The following ZNF33B variants were observed in gnomAD, a reference collection of about 807,000 sequenced individuals.
ZNF33B encodes zinc finger protein 33B, also known as zinc finger protein 11b (KOX 2).
A neutral mutation model predicts 45.8 loss-of-function variants in ZNF33B; 29 were observed. That is an observed-to-expected ratio of 0.63 (90% CI 0.47 to 0.86). The LOEUF is 0.86. Among genes scored for constraint, ZNF33B ranks in the 40% least tolerant of loss-of-function variants. The pLI, the probability that ZNF33B is intolerant of heterozygous loss-of-function variation, is 0.00. For synonymous variants in ZNF33B, 305 were observed against 307.8 expected (o/e 0.99, Z 0.10); for missense variants, 831 against 909.9 (o/e 0.91, Z 1.12).
At chr10:42,583,177 T>C in intron 1 of ZNF33B, 1 of 760,294 alleles carries the variant, frequency 1.3e-6, no homozygotes, top group Non-Finnish European at 2.4e-6. Flanking sequence ...TGTCTTAGGG[T>C]TGATGTGAAG....
chr10:42,627,363 A>G (rs750874847), intron 4 of ZNF33B, among the ~76,000 whole-genome samples: 3 of 152,196 alleles, frequency 2.0e-5, no homozygotes, highest in Admixed American at 6.5e-5. Flanking sequence ...ATACTGTTAA[A>G]TGGATGGTGG....
chr10:42,593,091 T>C lies in ZNF33B; in HGVS notation c.1859A>G (p.Gln620Arg). 20 of 1,614,104 alleles carry C rather than the reference T, an allele frequency of 1.2e-5. No homozygotes were observed. The highest frequency in any genetic ancestry group is 1.6e-5 in the Non-Finnish European group (19 of 1,179,984). ...CTGATGCTGAGTGAGTTGTGACTTC[T>C]GGCAGAAGGTTTTTCCACATTCATT... ...ECNECGKTFC[Q>R]KSQLTQHQRI... Residue 620 changes from glutamine to arginine, a missense_variant, in exon 5 of 5, where the codon CAG becomes CGG. Physicochemically the swap from Gln to Arg is conservative, Grantham distance 43. Transcript: ENST00000359467.
chr10:42,602,794 G>A (rs995182411), intron 4 of ZNF33B, among the ~76,000 whole-genome samples: 1 of 152,186 alleles, frequency 6.6e-6, no homozygotes, highest in African/African-American at 2.4e-5. Context: ...CCCTATGTGA[G>A]TACTGTGTAC....
At chr10:42,575,394 A>G (rs1836733735) in intron 1 of ZNF33B, among the ~76,000 whole-genome samples, 1 of 152,196 alleles carries the variant, frequency 6.6e-6, no homozygotes, top group Non-Finnish European at 1.5e-5. Context: ...GGTTTCCCCT[A>G]GAAGCATCAG....
intron 4 of ZNF33B, among the ~76,000 whole-genome samples, chr10:42,614,971 A>T (rs1838251600): frequency 6.6e-6 from 1 of 152,108 alleles, no homozygotes; most frequent in Non-Finnish European, 1.5e-5. Context: ...AAAAAAAAAG[A>T]CATTCAACAT....
chr10:42,594,482 A>G lies in ZNF33B; in HGVS notation c.468T>C (p.Val156=). 4.3e-6 allele frequency: 7 copies of G among 1,613,196 alleles called. No individual in the cohort carries two copies. The highest frequency in any genetic ancestry group is 5.9e-6 in the Non-Finnish European group (7 of 1,179,672). ...GMSFNTVSEL[V]ISKINYLGKK... Reference sequence around the variant, plus strand: ...TTCCTAAATAGTTTATCTTACTGATAACCAATTCTGAAACAGTGTTGAAAC... The same window carrying G: ...TTCCTAAATAGTTTATCTTACTGATGACCAATTCTGAAACAGTGTTGAAAC... The change falls in exon 5 of 5, where the codon GTT becomes GTC. Residue 156 remains valine (V), a synonymous_variant. Transcript: ENST00000359467.
At chr10:42,588,044 A>G (rs554787305), downstream of ZNF33B, among the ~76,000 whole-genome samples, 5 of 151,940 alleles carry the variant, frequency 3.3e-5, no homozygotes, top group East Asian at 3.9e-4. Flanking sequence ...GGGGTGTGCA[A>G]TAACAAACAA....
intron 1 of ZNF33B, among the ~76,000 whole-genome samples, chr10:42,580,235 G>C (rs1836804934): frequency 1.3e-5 from 2 of 152,022 alleles, no homozygotes; most frequent in South Asian, 2.1e-4. Context: ...CATGGTTTTT[G>C]TTTCTTTTCT....
intron 4 of ZNF33B, among the ~76,000 whole-genome samples, chr10:42,621,284 A>G (rs1838572724): frequency 6.6e-6 from 1 of 152,068 alleles, no homozygotes; most frequent in Admixed American, 6.6e-5. Context: ...GTGAGCCATA[A>G]TTGTGCCACT....
chr10:42,604,064 T>C (rs927593565), intron 4 of ZNF33B, among the ~76,000 whole-genome samples: 1 of 152,228 alleles, frequency 6.6e-6, no homozygotes, highest in African/African-American at 2.4e-5. Context: ...GAGACTGTCA[T>C]CTATATACAG....
At chr10:42,631,091 G>A (rs1187999629) in intron 4 of ZNF33B, among the ~76,000 whole-genome samples, 1 of 152,018 alleles carries the variant, frequency 6.6e-6, no homozygotes, top group Non-Finnish European at 1.5e-5. Flanking sequence ...GTTCCTTAAA[G>A]TAATCTAAAC....
intron 4 of ZNF33B, among the ~76,000 whole-genome samples, chr10:42,626,414 G>A (rs1189573579): frequency 2.6e-5 from 4 of 152,106 alleles, no homozygotes; most frequent in African/African-American, 9.7e-5. Context: ...TCTTGGCCAG[G>A]CGCAGTGGCT....
In ZNF33B at chr10:42,594,562, C is replaced by T. The variant is rs201879663; in HGVS notation, c.388G>A (p.Val130Ile). The change falls in exon 5 of 5, where the codon GTA (valine) becomes ATA (isoleucine). Residue 130 changes from valine to isoleucine, a missense_variant. Coordinates refer to ENST00000359467, the MANE Select transcript of ZNF33B (RefSeq NM_006955.3). ...ATTTTTCTGGAAGGAAAAGAACTTA[C>T]GTCCATGTTAAATGGTATTCCTATT... ...NVIGIPFNMDVSSFPSRKMFC... is the reference protein window; with the variant it reads ...NVIGIPFNMDISSFPSRKMFC... 31 of 1,613,324 alleles carry T rather than the reference C, an allele frequency of 1.9e-5. No individual in the cohort carries two copies. The highest frequency in any genetic ancestry group is 2.2e-5 in the East Asian group (1 of 44,852).
rs1457145376 is a variant in ZNF33B at position 42,624,906 on chromosome 10, A to G, written c.250+7023T>C. Among the ~76,000 whole-genome samples, 4 of 152,292 alleles carry G rather than the reference A, an allele frequency of 2.6e-5. No individual in the cohort carries two copies. In the East Asian group the frequency reaches 7.7e-4, roughly 29 times the overall value. ...AACCACAGTTGACCTCAGGTAACAGAAACTGCAGAAAGCAAAACCACAGAA... is the reference window on the plus strand; with the variant it reads ...AACCACAGTTGACCTCAGGTAACAGGAACTGCAGAAAGCAAAACCACAGAA... On this transcript the variant is annotated intron_variant, in intron 4 of 4. Transcript: ENST00000359467.
downstream of ZNF33B, chr10:42,588,981 T>A (rs937421525): frequency 1.2e-5 from 2 of 163,628 alleles, no homozygotes; most frequent in African/African-American, 4.8e-5. Context: ...ACAGTTACCA[T>A]AATTTAAAAT....
chr10:42,621,186 G>A (rs1331240866), intron 4 of ZNF33B, among the ~76,000 whole-genome samples: 3 of 151,378 alleles, frequency 2.0e-5, no homozygotes, highest in Non-Finnish European at 4.4e-5. Flanking sequence ...AAGATAGCTG[G>A]GCATAGTGGG....
In ZNF33B at chr10:42,601,930, T is replaced by TG. The variant is rs796602529; in HGVS notation, c.251-7232dup. Among the ~76,000 whole-genome samples, 416 of 76,560 alleles carry TG rather than the reference T, an allele frequency of 5.4e-3. 36 individuals carry two copies. Among genetic ancestry groups the TG allele is most frequent in the Middle Eastern group, 8.9e-3 (1 of 112 alleles). 50.2% of individuals were successfully genotyped at this position (76,560 alleles called of 152,430 possible). A position where few individuals can be genotyped will look rare whatever the true frequency, so the allele number is the denominator to read the frequency against. On this transcript the variant is annotated intron_variant, in intron 4 of 4. Coordinates refer to ENST00000359467, the MANE Select transcript of ZNF33B (RefSeq NM_006955.3). ...ATTCTTTTTTTTTTTTTTTTTTTTTTGGGGGGAGACAGGGTCTCACTCCAT... is the reference window on the plus strand; with the variant it reads ...ATTCTTTTTTTTTTTTTTTTTTTTTTGGGGGGGAGACAGGGTCTCACTCCAT...
chr10:42,588,488 C>T (rs1836982037), downstream of ZNF33B, among the ~76,000 whole-genome samples: 2 of 152,230 alleles, frequency 1.3e-5, no homozygotes, highest in African/African-American at 4.8e-5. Flanking sequence ...GTTGTAACTG[C>T]TTCCTTTTCA....
intron 1 of ZNF33B, among the ~76,000 whole-genome samples, chr10:42,574,987 C>G (rs1836726883): frequency 6.6e-6 from 1 of 152,118 alleles, no homozygotes; most frequent in Non-Finnish European, 1.5e-5. Flanking sequence ...GAGATGCCCA[C>G]CTAATACCAC....
Sources: gnomAD v4.1 joint callset for allele counts (sites outside exome capture counted in the v4.1 genomes callset) on GRCh38, gnomAD v4.1.1 for gene constraint, MANE v1.5 for transcripts, NCBI Gene and HGNC (gene_info 2026-07-23, HGNC 2026-07-21) for gene names.